PCDHGB4: variants seen among roughly 807,000 people sequenced by gnomAD.
PCDHGB4 encodes protocadherin gamma subfamily B, 4.
PCDHGB4 carries 38 observed loss-of-function variants against 60.5 expected under a neutral mutation model. The observed-to-expected ratio is 0.63, with a 90% CI of 0.48 to 0.82. The LOEUF (loss-of-function observed/expected upper bound fraction) is 0.82, where lower values mean the gene tolerates loss of function less well. PCDHGB4 is among the 40% of genes least tolerant of loss of function. The pLI is 0.00. For synonymous variants in PCDHGB4, 456 were observed against 509.7 expected, an observed-to-expected ratio of 0.89 and a Z score of 1.42; for missense variants, 1,109 against 1,209.6, an observed-to-expected ratio of 0.92 and a Z score of 1.23.
chr5:141,465,343 T>A (rs1221229916), intron 1 of PCDHGB4, among the ~76,000 whole-genome samples: 1 of 152,118 alleles, frequency 6.6e-6, no homozygotes, highest in Non-Finnish European at 1.5e-5. Flanking sequence ...TATTGGTTAC[T>A]GAAGAAAAAA....
chr5:141,403,243 T>C (rs1363955978), intron 1 of PCDHGB4: 2 of 1,613,894 alleles, frequency 1.2e-6, no homozygotes, highest in East Asian at 4.5e-5. Context: ...AGCTCTGTGC[T>C]CAGAGCCCGC....
rs1221295650 is a variant in PCDHGB4 at position 141,489,576 on chromosome 5, C to A, written c.2398-5231C>A. 3 of 1,613,936 alleles carry A rather than the reference C, an allele frequency of 1.9e-6. No individual in the cohort carries two copies. Among genetic ancestry groups the A allele is most frequent in the Non-Finnish European group, 2.5e-6 (3 of 1,179,984 alleles). ...TGCCAGTGCAGGTGGTGACTGAACA[C>A]CCCCTGGAGCTAATCCGTGTAGAGG... On this transcript the variant is annotated intron_variant, in intron 1 of 3. Transcript: ENST00000519479. This position sits in a 1 kb window ranked among gnomAD's most constrained non-coding sequence, Gnocchi z 4.5.
intron 1 of PCDHGB4, chr5:141,396,168 T>C (rs2093349513): frequency 2.0e-5 from 3 of 152,184 alleles, no homozygotes; most frequent in Admixed American, 2.0e-4. Flanking sequence ...AGTTATTCAG[T>C]CTTGGCTGGA....
At chr5:141,437,225 T>C (rs943242286) in intron 1 of PCDHGB4, among the ~76,000 whole-genome samples, 2 of 152,240 alleles carry the variant, frequency 1.3e-5, no homozygotes, top group Admixed American at 1.3e-4. Flanking sequence ...ATTCCAGTCA[T>C]AAAATTATGT....
chr5:141,399,628 G>A (rs775633916), intron 1 of PCDHGB4: 23 of 1,613,772 alleles, frequency 1.4e-5, no homozygotes, highest in South Asian at 2.2e-5. Context: ...GGCCTCTTAC[G>A]TGTCCATGAG....
chr5:141,481,794 A>G (rs1433830305), intron 1 of PCDHGB4, among the ~76,000 whole-genome samples: 1 of 152,136 alleles, frequency 6.6e-6, no homozygotes, highest in Non-Finnish European at 1.5e-5. Context: ...TCTACTAAAA[A>G]TACAAAAATT....
rs1406804687 is a variant in PCDHGB4 at position 141,387,976 on chromosome 5, A to G, written c.92A>G (p.Glu31Gly). 2 of 1,490,180 alleles carry G rather than the reference A, an allele frequency of 1.3e-6. No individual in the cohort carries two copies. The highest frequency in any genetic ancestry group is 2.6e-5 in the South Asian group (2 of 78,004). The allele number at this position is 1,490,180 out of a possible 1,614,324, so 92.3% of individuals were successfully genotyped here. Reference protein sequence around the residue: ...LLSLFCPALCEQIRYRIPEEM... With the variant: ...LLSLFCPALCGQIRYRIPEEM... ...TCTTTGTTCTGCCCGGCGCTCTGTGAGCAGATCCGCTACAGGATTCCCGAG... is the reference window on the plus strand; with the variant it reads ...TCTTTGTTCTGCCCGGCGCTCTGTGGGCAGATCCGCTACAGGATTCCCGAG... Residue 31 changes from glutamate (E) to glycine (G), a missense_variant, in exon 1 of 4, where the codon GAG becomes GGG. Glu to Gly is a moderately conservative substitution (Grantham distance 98). Coordinates refer to ENST00000519479, the MANE Select transcript of PCDHGB4 (RefSeq NM_003736.4).
chr5:141,428,423 G>C (rs939814279), intron 1 of PCDHGB4: 1 of 440,550 alleles, frequency 2.3e-6, no homozygotes, highest in Non-Finnish European at 4.3e-6. Flanking sequence ...CCTGGTCTCT[G>C]TTCTAAGACT....
At position 141,418,250 on chromosome 5, in the gene PCDHGB4, C is replaced by T. The variant is rs375149538; in HGVS notation, c.2397+27969C>T. ...GATTGAGGATGTTAATGACCACGCC[C>T]CTCAATTCCGGAAAGATGAAATAAA... On this transcript the variant is annotated intron_variant, in intron 1 of 3. Transcript: ENST00000519479. The T allele has an allele frequency of 2.5e-5, 40 of 1,613,876 alleles. No individual in the cohort carries two copies. The African/African-American group carries it at 3.6e-4, about 15-fold the overall frequency.
intron 1 of PCDHGB4, chr5:141,405,210 A>G (rs752645800): frequency 1.2e-6 from 2 of 1,613,994 alleles, no homozygotes; most frequent in South Asian, 1.1e-5. Context: ...CTACAGACCT[A>G]TTCTCAGGAG....
At chr5:141,479,056 A>G (rs952560687) in intron 1 of PCDHGB4, among the ~76,000 whole-genome samples, 1 of 152,098 alleles carries the variant, frequency 6.6e-6, no homozygotes, top group Admixed American at 6.5e-5. Context: ...TTCTCAGATA[A>G]TTTTTTATGA....
At chr5:141,399,376 AC>A (rs1398817003) in intron 1 of PCDHGB4, 1 of 1,613,956 alleles carries the variant, frequency 6.2e-7, no homozygotes, top group Non-Finnish European at 8.5e-7. Flanking sequence ...GTACAATGTC[AC>A]CATCACAGCC....
At chr5:141,399,798 G>C in intron 1 of PCDHGB4, 1 of 1,613,236 alleles carries the variant, frequency 6.2e-7, no homozygotes, top group Non-Finnish European at 8.5e-7. Flanking sequence ...ACGCACCGCG[G>C]GTGCTGTACC....
chr5:141,497,412 A>G (rs963440048), intron 2 of PCDHGB4, among the ~76,000 whole-genome samples: 13 of 151,982 alleles, frequency 8.6e-5, no homozygotes, highest in African/African-American at 3.1e-4. Flanking sequence ...CTCCCATTCC[A>G]TCAAATGAGA....
chr5:141,421,791 T>TG, intron 1 of PCDHGB4: 1 of 1,613,792 alleles, frequency 6.2e-7, no homozygotes, highest in Non-Finnish European at 8.5e-7. Flanking sequence ...GCAGAACGGA[T>TG]GGGGCCAAGA....
intron 1 of PCDHGB4, among the ~76,000 whole-genome samples, chr5:141,492,438 G>C (rs2099740636): frequency 6.6e-6 from 1 of 152,236 alleles, no homozygotes; most frequent in Non-Finnish European, 1.5e-5. Flanking sequence ...AGGAGTACTC[G>C]TAGCTGATTG....
chr5:141,489,427 C>T lies in PCDHGB4; in HGVS notation c.2398-5380C>T, dbSNP rs370540900. 83 of 1,613,990 alleles carry T rather than the reference C, an allele frequency of 5.1e-5. No individual in the cohort carries two copies. The highest frequency in any genetic ancestry group is 8.3e-5 in the Admixed American group (5 of 59,996). On this transcript the variant is annotated intron_variant, in intron 1 of 3. Transcript: ENST00000519479. The surrounding 1 kb of genome is among the most constrained non-coding windows in gnomAD (Gnocchi z 4.5). ...AAAGATGACAGATCTGTTGAGCCGGCGGCTGCAATTGGGCTCTGAGGAGAA... is the reference window on the plus strand; with the variant it reads ...AAAGATGACAGATCTGTTGAGCCGGTGGCTGCAATTGGGCTCTGAGGAGAA...
At chr5:141,466,213 C>G (rs2099118871) in intron 1 of PCDHGB4, among the ~76,000 whole-genome samples, 1 of 151,958 alleles carries the variant, frequency 6.6e-6, no homozygotes, top group South Asian at 2.1e-4. Flanking sequence ...CTCTGTTACC[C>G]AGGCTGGAGT....
intron 1 of PCDHGB4, among the ~76,000 whole-genome samples, chr5:141,437,550 A>T (rs866913156): frequency 6.6e-6 from 1 of 152,192 alleles, no homozygotes; most frequent in African/African-American, 2.4e-5. Context: ...AGTTTTCTTT[A>T]TGACATGTAA....
Sources: gnomAD v4.1 joint callset for allele counts (sites outside exome capture counted in the v4.1 genomes callset) on GRCh38, gnomAD v4.1.1 for gene constraint, Gnocchi (gnomAD v3.1) non-coding constraint, MANE v1.5 for transcripts, NCBI Gene and HGNC (gene_info 2026-07-23, HGNC 2026-07-21) for gene names.